KCNIP3: variants seen among roughly 807,000 people sequenced by gnomAD.
KCNIP3 encodes potassium voltage-gated channel interacting protein 3, also known as calsenilin.
Under a neutral mutation model 35.0 loss-of-function variants are expected in KCNIP3, and 28 were observed. The observed-to-expected ratio is 0.80, with a 90% CI of 0.59 to 1.10. The LOEUF is 1.10. Ranked by LOEUF, KCNIP3 falls within the 50% of genes least tolerant of loss-of-function variation. KCNIP3 has a pLI of 0.00. For missense variants in KCNIP3, 295 were observed against 338.4 expected (o/e 0.87, Z 1.01); for synonymous variants, 134 against 133.8 (o/e 1.00, Z -0.01).
chr2:95,297,516 T>A (rs1437602630), intron 1 of KCNIP3, 63 bp downstream of exon 1: 2 of 1,059,876 alleles, frequency 1.9e-6, no homozygotes, highest in African/African-American at 1.6e-5. Context: ...TGGAGGCTTC[T>A]GGGGGTTGCT....
At chr2:95,361,926 C>T (rs1357284587) in intron 2 of KCNIP3, among the ~76,000 whole-genome samples, 1 of 152,134 alleles carries the variant, frequency 6.6e-6, no homozygotes, top group Non-Finnish European at 1.5e-5. Flanking sequence ...AGGACTTAAA[C>T]AACAGAAATG....
chr2:95,367,610 A>C (rs1410157580), intron 2 of KCNIP3, among the ~76,000 whole-genome samples: 2 of 152,190 alleles, frequency 1.3e-5, no homozygotes, highest in African/African-American at 4.8e-5. Flanking sequence ...TATATACCTA[A>C]GTATTTCATT....
intron 2 of KCNIP3, among the ~76,000 whole-genome samples, chr2:95,327,849 G>C (rs1306127225): frequency 6.6e-6 from 1 of 152,232 alleles, no homozygotes; most frequent in Admixed American, 6.5e-5. Context: ...GGAAGAAGGA[G>C]CCAGGGAAGC....
intron 2 of KCNIP3, among the ~76,000 whole-genome samples, chr2:95,336,018 C>A (rs1274906484): frequency 5.9e-5 from 9 of 152,178 alleles, no homozygotes. Flanking sequence ...GTTGTATTTG[C>A]ACTTCCTTGT....
At chr2:95,325,612 C>T (rs571319815) in intron 2 of KCNIP3, among the ~76,000 whole-genome samples, 57 of 151,612 alleles carry the variant, frequency 3.8e-4, no homozygotes, top group Non-Finnish European at 6.8e-4. Context: ...CTCATACACA[C>T]GTACACACAC....
At chr2:95,297,579 CTTTGG>C in intron 1 of KCNIP3, 126 bp downstream of exon 1, 3 of 803,928 alleles carry the variant, frequency 3.7e-6, no homozygotes, top group Non-Finnish European at 5.9e-6. Context: ...TTCCACTTTC[CTTTGG>C]GGAAAGTGAG....
chr2:95,382,326 C>T lies in KCNIP3; in HGVS notation c.556-51C>T. 1 of 1,344,258 alleles carries T rather than the reference C, an allele frequency of 7.4e-7. No individual in the cohort carries two copies. The highest frequency in any genetic ancestry group is 1.0e-6 in the Non-Finnish European group (1 of 982,744). The allele number at this position is 1,344,258 out of a possible 1,614,324, so 83.3% of individuals were successfully genotyped here. On this transcript the variant is annotated intron_variant, in intron 6 of 8. Coordinates refer to ENST00000295225, the MANE Select transcript of KCNIP3 (RefSeq NM_013434.5). The surrounding 1 kb of genome is among the most constrained non-coding windows in gnomAD (Gnocchi z 4.5). Reference sequence around the variant, plus strand: ...GGATGCCGCCCGCTCCCTTTGGGCCCTCACAGCCACCCCGGCCTTGCAGCA... The same window carrying T: ...GGATGCCGCCCGCTCCCTTTGGGCCTTCACAGCCACCCCGGCCTTGCAGCA...
chr2:95,384,100 C>T lies in KCNIP3; in HGVS notation c.*51C>T, dbSNP rs1680423304. ...ACAGCCACCTCCACCCCCAAGAAAC[C>T]TCCATCCTGCCAGGAGCAGCCTCCA... On this transcript the variant is annotated 3_prime_UTR_variant, in exon 9 of 9. Coordinates refer to ENST00000295225, the MANE Select transcript of KCNIP3 (RefSeq NM_013434.5). 6.4e-7 allele frequency: 1 copy of T among 1,560,618 alleles called. No homozygotes were observed. The highest frequency in any genetic ancestry group is 8.8e-7 in the Non-Finnish European group (1 of 1,132,026).
intron 2 of KCNIP3, chr2:95,310,942 A>AAT (rs1224789053): frequency 3.7e-6 from 1 of 269,616 alleles, no homozygotes; most frequent in Non-Finnish European, 7.2e-6. Flanking sequence ...GATGGGAAAT[A>AAT]ATGTGTGCAG....
chr2:95,383,350 G>A, intron 8 of KCNIP3, 56 bp downstream of exon 8: 1 of 1,563,684 alleles, frequency 6.4e-7, no homozygotes, highest in Admixed American at 1.7e-5. Flanking sequence ...ACGGAGGTGG[G>A]TGGTTGGCAG....
At chr2:95,374,776 G>A (rs543822424) in intron 3 of KCNIP3, 72 bp from the exon 4 acceptor site, 2 of 1,547,314 alleles carry the variant, frequency 1.3e-6, no homozygotes, top group East Asian at 2.3e-5. Context: ...AGAGAGGCCA[G>A]CCAGGCACCA....
intron 2 of KCNIP3, among the ~76,000 whole-genome samples, chr2:95,326,419 A>T (rs544678204): frequency 6.6e-6 from 1 of 152,276 alleles, no homozygotes; most frequent in South Asian, 2.1e-4. Flanking sequence ...CACACACTGC[A>T]CTCGGGAGGG....
rs374058648 is a variant in KCNIP3 at position 95,375,181 on chromosome 2, G to A, written c.420G>A (p.Ala140=). 5.4e-5 allele frequency: 87 copies of A among 1,614,044 alleles called. No homozygotes were observed. The highest frequency in any genetic ancestry group is 6.7e-5 in the Non-Finnish European group (79 of 1,180,038). Reference sequence around the variant, plus strand: ...ACTTCCTCTTCAACGCCTTTGATGCGGACGGGAACGGGGCCATCCACTTTG... The same window carrying A: ...ACTTCCTCTTCAACGCCTTTGATGCAGACGGGAACGGGGCCATCCACTTTG... ...YAHFLFNAFD[A]DGNGAIHFED... The change falls in exon 5 of 9, where the codon GCG becomes GCA. Residue 140 remains alanine, a synonymous_variant. Transcript: ENST00000295225.
In KCNIP3 at chr2:95,375,117, C is replaced by A. The variant is rs756991382; in HGVS notation, c.377-21C>A. 2.1e-5 allele frequency: 34 copies of A among 1,612,948 alleles called. No individual in the cohort carries two copies. The South Asian group carries it at 3.5e-4, about 17-fold the overall frequency. On this transcript the variant is annotated intron_variant, in intron 4 of 8. Coordinates refer to ENST00000295225, the MANE Select transcript of KCNIP3 (RefSeq NM_013434.5). ...GCCAGGCAGCCCCGACACACCCCAG[C>A]CTCTTCCTTGCCCTCCCCAGATGCC...
chr2:95,373,003 C>T (rs1237673255), intron 2 of KCNIP3, among the ~76,000 whole-genome samples: 1 of 152,140 alleles, frequency 6.6e-6, no homozygotes, highest in Non-Finnish European at 1.5e-5. Flanking sequence ...TGCCCAGCAC[C>T]ATGCCAGGCA....
chr2:95,337,185 T>C (rs1261069153), intron 2 of KCNIP3, among the ~76,000 whole-genome samples: 1 of 152,130 alleles, frequency 6.6e-6, no homozygotes, highest in Non-Finnish European at 1.5e-5. Flanking sequence ...ATGCCCAGCA[T>C]TTTGGAGAAT....
At chr2:95,364,552 G>T (rs1192502185) in intron 2 of KCNIP3, among the ~76,000 whole-genome samples, 1 of 152,200 alleles carries the variant, frequency 6.6e-6, no homozygotes, top group Non-Finnish European at 1.5e-5. Context: ...TTGAATCACG[G>T]GCGCGGATCC....
chr2:95,327,060 C>A (rs1446474876), intron 2 of KCNIP3, among the ~76,000 whole-genome samples: 1 of 152,234 alleles, frequency 6.6e-6, no homozygotes, highest in African/African-American at 2.4e-5. Flanking sequence ...CACTCTCTTG[C>A]CGGAGGACTG....
intron 2 of KCNIP3, among the ~76,000 whole-genome samples, chr2:95,326,750 G>A (rs2104238854): frequency 6.6e-6 from 1 of 152,346 alleles, no homozygotes; most frequent in East Asian, 1.9e-4. Context: ...CCTGATTTCC[G>A]TTGGTCCTCG....
Sources: gnomAD v4.1 joint callset for allele counts (sites outside exome capture counted in the v4.1 genomes callset) on GRCh38, gnomAD v4.1.1 for gene constraint, Gnocchi (gnomAD v3.1) non-coding constraint, MANE v1.5 for transcripts, NCBI Gene and HGNC (gene_info 2026-07-23, HGNC 2026-07-21) for gene names.